Variants in RGS9 observed in about 807,000 individuals in gnomAD.
The protein encoded by RGS9 is regulator of G protein signaling 9, also known as regulator of G-protein signalling 9.
RGS9 carries 78 observed loss-of-function variants against 102.0 expected under a neutral mutation model. That is an observed-to-expected ratio of 0.76 (90% CI 0.64 to 0.92). The LOEUF is 0.92. Ranked by LOEUF, RGS9 falls within the 40% of genes least tolerant of loss-of-function variation. The pLI is 0.00. For synonymous variants in RGS9, 353 were observed against 318.6 expected (o/e 1.11, Z -1.15); for missense variants, 833 against 866.1 (o/e 0.96, Z 0.48).
intron 6 of RGS9, among the ~76,000 whole-genome samples, chr17:65,162,673 GT>G (rs1057486327): frequency 1.3e-5 from 2 of 151,598 alleles, no homozygotes; most frequent in African/African-American, 4.8e-5. Flanking sequence ...GTTTCACCAT[GT>G]TAGCCATGAT....
At chr17:65,169,373 C>A (rs1045470042) in intron 8 of RGS9, among the ~76,000 whole-genome samples, 1 of 152,120 alleles carries the variant, frequency 6.6e-6, no homozygotes, top group Non-Finnish European at 1.5e-5. Context: ...AGATGCCTGA[C>A]GCAGGTATCT....
chr17:65,148,586 T>C (rs1173397042), intron 1 of RGS9, among the ~76,000 whole-genome samples: 2 of 152,234 alleles, frequency 1.3e-5, no homozygotes, highest in Non-Finnish European at 2.9e-5. Flanking sequence ...TTAAGAAACC[T>C]GAGTCCTTCT....
At chr17:65,183,728 C>T (rs1019394255) in intron 9 of RGS9, among the ~76,000 whole-genome samples, 1 of 152,182 alleles carries the variant, frequency 6.6e-6, no homozygotes, top group African/African-American at 2.4e-5. Flanking sequence ...CCTTTGGCTC[C>T]GTGGCTTGCT....
chr17:65,171,895 C>G (rs1487718682), intron 8 of RGS9, among the ~76,000 whole-genome samples: 1 of 152,202 alleles, frequency 6.6e-6, no homozygotes, highest in Admixed American at 6.5e-5. Context: ...GGAGGCCTTC[C>G]CTGCATCTTT....
intron 1 of RGS9, among the ~76,000 whole-genome samples, chr17:65,137,968 G>A (rs530421918): frequency 6.6e-6 from 1 of 152,122 alleles, no homozygotes; most frequent in East Asian, 1.9e-4. Flanking sequence ...ATCCCAAACT[G>A]CACTATTTTA....
intron 17 of RGS9, among the ~76,000 whole-genome samples, chr17:65,222,167 G>T (rs898789023): frequency 6.6e-5 from 10 of 152,240 alleles, no homozygotes; most frequent in African/African-American, 2.2e-4. Context: ...GCTCTCAGCA[G>T]CTGGGGGCCA....
chr17:65,198,628 G>A (rs929131199), intron 13 of RGS9, among the ~76,000 whole-genome samples: 10 of 152,164 alleles, frequency 6.6e-5, no homozygotes, highest in African/African-American at 2.2e-4. Flanking sequence ...TCAGAACCAG[G>A]CTGTGCATTC....
At chr17:65,218,674 C>A (rs1913598749) in intron 17 of RGS9, among the ~76,000 whole-genome samples, 1 of 152,142 alleles carries the variant, frequency 6.6e-6, no homozygotes, top group African/African-American at 2.4e-5. Flanking sequence ...TTCTTTCTGT[C>A]CTCTTCTCTC....
At chr17:65,142,460 C>T (rs1304451422) in intron 1 of RGS9, among the ~76,000 whole-genome samples, 1 of 151,962 alleles carries the variant, frequency 6.6e-6, no homozygotes, top group East Asian at 1.9e-4. Flanking sequence ...ACCTGGGCTG[C>T]ACTTTAAAAA....
chr17:65,186,279 C>T (rs1912118095), intron 9 of RGS9, among the ~76,000 whole-genome samples: 2 of 151,796 alleles, frequency 1.3e-5, no homozygotes, highest in African/African-American at 4.8e-5. Flanking sequence ...TCACTGCAGC[C>T]TCCACTTCCT....
chr17:65,227,599 C>T lies in RGS9; in HGVS notation c.*192C>T. 1 of 715,404 alleles carries T rather than the reference C, an allele frequency of 1.4e-6. No homozygotes were observed. The highest frequency in any genetic ancestry group is 2.4e-6 in the Non-Finnish European group (1 of 424,778). 44.3% of individuals were successfully genotyped at this position (715,404 alleles called of 1,614,324 possible). On this transcript the variant is annotated 3_prime_UTR_variant, in exon 19 of 19. Transcript: ENST00000262406. ...GGTTACCAGGGGCCAACTCCTTCTC[C>T]TCTTCCTGACCCTCCCTCCCCTGGG...
At chr17:65,154,333 C>A (rs897470369) in intron 2 of RGS9, among the ~76,000 whole-genome samples, 3 of 152,102 alleles carry the variant, frequency 2.0e-5, no homozygotes, top group Non-Finnish European at 4.4e-5. Flanking sequence ...TACTATCTAG[C>A]GCTCTACAGA....
At chr17:65,140,468 G>T (rs1910114692) in intron 1 of RGS9, among the ~76,000 whole-genome samples, 2 of 152,224 alleles carry the variant, frequency 1.3e-5, no homozygotes, top group Non-Finnish European at 2.9e-5. Context: ...GAAAGGCAGA[G>T]GTAGTGGGTG....
In RGS9 at chr17:65,227,388, G is replaced by A. The variant is rs779583544; in HGVS notation, c.2006G>A (p.Cys669Tyr). The A allele has an allele frequency of 1.2e-6, 2 of 1,614,038 alleles. No individual in the cohort carries two copies. The highest frequency in any genetic ancestry group is 4.5e-5 in the East Asian group (2 of 44,880). ...CGGGCCACAGAAAAGGAGGTCATCT[G>A]CCCCTGGGAGAGCCTGTAAGGAAAG... Reference protein sequence around the residue: ...GDRATEKEVICPWESL With the variant: ...GDRATEKEVIYPWESL The change falls in exon 19 of 19, where the codon TGC becomes TAC. Residue 669 changes from cysteine to tyrosine, a missense_variant. This residue lies in a region of RGS9 where 320 missense variants were observed against 276.8 expected (regional missense o/e 1.16). Transcript: ENST00000262406.
intron 11 of RGS9, among the ~76,000 whole-genome samples, chr17:65,192,313 G>A (rs553570680): frequency 1.2e-4 from 19 of 152,258 alleles, no homozygotes; most frequent in African/African-American, 4.6e-4. Flanking sequence ...GGAAGTATTT[G>A]TTAAAGGATA....
In RGS9 at chr17:65,190,187, C is replaced by T; in HGVS notation, c.697C>T (p.Gln233Ter). The change falls in exon 11 of 19, where the codon CAA becomes TAA. Residue 233 changes from glutamine (Q) to a stop codon, truncating the protein, a stop_gained. Coordinates refer to ENST00000262406, the MANE Select transcript of RGS9 (RefSeq NM_003835.4). LOFTEE classifies it high-confidence loss of function. ...GTGTCTCTTCCAGATCATGTATTAC[C>T]AACAGGCCTTGATGAGGTCCACAGT... ...VAVKKEIMYYQQALMRSTVKS... is the reference protein window; with the variant it reads ...VAVKKEIMYY The T allele has an allele frequency of 6.2e-7, 1 of 1,613,536 alleles. No individual in the cohort carries two copies. The highest frequency in any genetic ancestry group is 8.5e-7 in the Non-Finnish European group (1 of 1,179,458).
chr17:65,169,552 T>A (rs566480145), intron 8 of RGS9, among the ~76,000 whole-genome samples: 2 of 152,228 alleles, frequency 1.3e-5, no homozygotes, highest in Non-Finnish European at 2.9e-5. Context: ...CAAGACACCT[T>A]GGTGCCCAGT....
intron 17 of RGS9, among the ~76,000 whole-genome samples, chr17:65,223,741 T>C (rs1238990031): frequency 2.0e-5 from 3 of 150,044 alleles, no homozygotes; most frequent in African/African-American, 7.5e-5. Context: ...CCCCAGCTTG[T>C]TCATGCCAGG....
At chr17:65,182,621 T>C (rs1911927105) in intron 9 of RGS9, among the ~76,000 whole-genome samples, 1 of 152,196 alleles carries the variant, frequency 6.6e-6, no homozygotes. Context: ...ACAATGTCAG[T>C]TTCCTTTTTC....
Sources: allele counts gnomAD v4.1 joint callset (sites outside exome capture counted in the v4.1 genomes callset), GRCh38; gene constraint gnomAD v4.1.1; regional missense constraint gnomAD v4.1.1; transcripts MANE v1.5; gene names NCBI Gene and HGNC (gene_info 2026-07-23, HGNC 2026-07-21).